DPP10: variants seen among roughly 807,000 people sequenced by gnomAD.
DPP10 encodes the protein inactive dipeptidyl peptidase 10.
Under a neutral mutation model 120.9 loss-of-function variants are expected in DPP10, and 33 were observed. That is an observed-to-expected ratio of 0.27 (90% CI 0.21 to 0.37). DPP10 has a LOEUF of 0.37. DPP10 is among the 10% of genes least tolerant of loss of function. The probability of loss-of-function intolerance (pLI) is 1.00; values close to 1 mark genes in which losing one functional copy is unlikely to be tolerated. For missense variants in DPP10, 816 were observed against 942.8 expected (o/e 0.87, Z 1.76); for synonymous variants, 337 against 326.1 (o/e 1.03, Z -0.36).
intron 1 of DPP10, among the ~76,000 whole-genome samples, chr2:115,159,533 C>G (rs1049087532): frequency 2.0e-5 from 3 of 151,920 alleles, no homozygotes; most frequent in Non-Finnish European, 4.4e-5. Flanking sequence ...CACTGTAATT[C>G]AAGTGCAATA....
chr2:115,775,657 A>G (rs1231164987), intron 13 of DPP10, among the ~76,000 whole-genome samples: 6 of 152,216 alleles, frequency 3.9e-5, no homozygotes, highest in Admixed American at 6.6e-5. Flanking sequence ...ATGAAAAAAT[A>G]TGGCATGTCT....
At chr2:115,476,408 A>T (rs1327483596) in intron 3 of DPP10, among the ~76,000 whole-genome samples, 1 of 152,152 alleles carries the variant, frequency 6.6e-6, no homozygotes, top group Admixed American at 6.6e-5. Flanking sequence ...CTTCCTGTAC[A>T]GCCTATAGAA....
At chr2:115,724,186 T>G (rs1473839318) in intron 7 of DPP10, among the ~76,000 whole-genome samples, 1 of 152,178 alleles carries the variant, frequency 6.6e-6, no homozygotes, top group Non-Finnish European at 1.5e-5. Flanking sequence ...CAACTCAAGA[T>G]CTTCATAGAC....
intron 1 of DPP10, among the ~76,000 whole-genome samples, chr2:114,573,059 T>C (rs1026340524): frequency 5.3e-4 from 81 of 152,208 alleles, no homozygotes; most frequent in African/African-American, 1.8e-3. Flanking sequence ...TCATAGCCCA[T>C]CGCAGACTTC....
intron 1 of DPP10, among the ~76,000 whole-genome samples, chr2:114,904,352 T>G (rs1693810960): frequency 6.6e-6 from 1 of 152,130 alleles, no homozygotes; most frequent in African/African-American, 2.4e-5. Flanking sequence ...TTGGCTGAAG[T>G]GTGTTTGTGT....
chr2:115,210,284 C>G (rs955133355), intron 1 of DPP10, among the ~76,000 whole-genome samples: 1 of 152,030 alleles, frequency 6.6e-6, no homozygotes, highest in African/African-American at 2.4e-5. Context: ...GGTTTTCTGT[C>G]CTTGTGATAG....
intron 3 of DPP10, among the ~76,000 whole-genome samples, chr2:115,376,386 A>G (rs2065794650): frequency 6.6e-6 from 1 of 152,074 alleles, no homozygotes; most frequent in African/African-American, 2.4e-5. Flanking sequence ...CCCTTCAAAG[A>G]TTAAAAAGAC....
At chr2:115,127,155 G>C (rs2050121556) in intron 1 of DPP10, among the ~76,000 whole-genome samples, 1 of 152,150 alleles carries the variant, frequency 6.6e-6, no homozygotes, top group Non-Finnish European at 1.5e-5. Context: ...GAGAAAGTTT[G>C]TTGCTGTTGT....
chr2:115,456,326 A>T (rs1444410284), intron 3 of DPP10, among the ~76,000 whole-genome samples: 3 of 152,160 alleles, frequency 2.0e-5, no homozygotes, highest in Admixed American at 1.3e-4. Context: ...GCTGGAGAGG[A>T]TGTGGAGAAA....
chr2:115,814,177 T>G (rs1201642155), intron 19 of DPP10, among the ~76,000 whole-genome samples: 1 of 152,192 alleles, frequency 6.6e-6, no homozygotes, highest in Non-Finnish European at 1.5e-5. Flanking sequence ...TATCTATGCT[T>G]CTTTCTGCTG....
intron 1 of DPP10, among the ~76,000 whole-genome samples, chr2:114,819,109 A>T (rs369714003): frequency 1.3e-5 from 2 of 152,054 alleles, no homozygotes; most frequent in Admixed American, 1.3e-4. Flanking sequence ...CACAACTTTT[A>T]ATACCAAAGT....
chr2:115,334,230 G>GTTTTTGTTTTTTTTTT (rs2062968952), intron 2 of DPP10, among the ~76,000 whole-genome samples: 1 of 56,412 alleles, frequency 1.8e-5, no homozygotes, highest in Non-Finnish European at 4.0e-5. Flanking sequence ...AGCAGACTCT[G>GTTTTTGTTTTTTTTTT]TTTTTTTTTT....
At chr2:115,286,467 AAT>A (rs1363120719) in intron 1 of DPP10, among the ~76,000 whole-genome samples, 5 of 129,976 alleles carry the variant, frequency 3.8e-5, no homozygotes, top group Non-Finnish European at 6.5e-5. Flanking sequence ...TTTAAAGTGA[AAT>A]ATATATATGT....
At chr2:114,622,610 G>A (rs1274937872) in intron 1 of DPP10, among the ~76,000 whole-genome samples, 1 of 152,022 alleles carries the variant, frequency 6.6e-6, no homozygotes, top group Non-Finnish European at 1.5e-5. Flanking sequence ...AACTCTAGGG[G>A]TGAACAATCA....
chr2:115,188,959 A>G (rs2054664338), intron 1 of DPP10, among the ~76,000 whole-genome samples: 2 of 152,324 alleles, frequency 1.3e-5, no homozygotes, highest in Admixed American at 6.5e-5. Context: ...GCAATACTTC[A>G]CAGCTATAAA....
At chr2:114,489,907 T>G (rs898736401) in intron 1 of DPP10, among the ~76,000 whole-genome samples, 7 of 152,208 alleles carry the variant, frequency 4.6e-5, no homozygotes, top group African/African-American at 1.7e-4. Context: ...CTCTCAACTG[T>G]GAACTGGGCT....
At chr2:115,196,469 CTATATT>C (rs1305896297) in intron 1 of DPP10, among the ~76,000 whole-genome samples, 2 of 152,046 alleles carry the variant, frequency 1.3e-5, no homozygotes, top group Admixed American at 6.6e-5. Context: ...TACTATAAGA[CTATATT>C]TATTTTAGAT....
intron 1 of DPP10, among the ~76,000 whole-genome samples, chr2:114,447,737 C>A (rs1678025614): frequency 6.6e-6 from 1 of 152,162 alleles, no homozygotes; most frequent in Non-Finnish European, 1.5e-5. Context: ...CCAGTGAGTT[C>A]TACACTTCCA....
intron 3 of DPP10, among the ~76,000 whole-genome samples, chr2:115,415,348 C>G (rs1214473967): frequency 2.0e-5 from 3 of 152,186 alleles, no homozygotes; most frequent in African/African-American, 7.2e-5. Flanking sequence ...ACAGACCAGA[C>G]ATTTCCACTC....
Sources: gnomAD v4.1 joint callset for allele counts (sites outside exome capture counted in the v4.1 genomes callset) on GRCh38, gnomAD v4.1.1 for gene constraint, MANE v1.5 for transcripts, NCBI Gene and HGNC (gene_info 2026-07-23, HGNC 2026-07-21) for gene names.